GRID2: variants seen among roughly 807,000 people sequenced by gnomAD.
The protein encoded by GRID2 is glutamate receptor ionotropic, delta-2.
In GRID2, 33 loss-of-function variants were observed where a neutral mutation model predicts 114.8. The observed-to-expected ratio is 0.29, with a 90% CI of 0.22 to 0.38. The LOEUF is 0.38. GRID2 is among the 10% of genes least tolerant of loss of function. The probability of loss-of-function intolerance (pLI) is 1.00; values close to 1 mark genes in which losing one functional copy is unlikely to be tolerated. For missense variants in GRID2, 1,184 were observed against 1,257.7 expected (o/e 0.94, Z 0.89); for synonymous variants, 505 against 449.9 (o/e 1.12, Z -1.55).
intron 2 of GRID2, among the ~76,000 whole-genome samples, chr4:92,688,211 A>G (rs1287120545): frequency 6.6e-6 from 1 of 150,850 alleles, no homozygotes; most frequent in African/African-American, 2.4e-5. Flanking sequence ...CACCACGCCC[A>G]GCTAATTTTG....
At chr4:93,153,464 A>T (rs1736904056) in intron 4 of GRID2, among the ~76,000 whole-genome samples, 1 of 152,092 alleles carries the variant, frequency 6.6e-6, no homozygotes, top group African/African-American at 2.4e-5. Context: ...GAGACTAGCT[A>T]GTCAGAAAGC....
chr4:92,948,576 G>C (rs1309471383), intron 2 of GRID2, among the ~76,000 whole-genome samples: 1 of 151,724 alleles, frequency 6.6e-6, no homozygotes, highest in African/African-American at 2.4e-5. Flanking sequence ...ATCAGAATTA[G>C]TGCATAAATA....
intron 1 of GRID2, among the ~76,000 whole-genome samples, chr4:92,374,530 G>T (rs1203759148): frequency 6.6e-6 from 1 of 152,128 alleles, no homozygotes; most frequent in Non-Finnish European, 1.5e-5. Context: ...AGGACCTCCT[G>T]AGGGCTGTGT....
At chr4:93,051,534 A>G (rs190495517) in intron 2 of GRID2, among the ~76,000 whole-genome samples, 3 of 152,070 alleles carry the variant, frequency 2.0e-5, no homozygotes, top group Non-Finnish European at 2.9e-5. Flanking sequence ...GATTCCCTCA[A>G]CTTTACAGCT....
chr4:92,563,985 C>T (rs1727221582), intron 1 of GRID2, among the ~76,000 whole-genome samples: 1 of 152,034 alleles, frequency 6.6e-6, no homozygotes, highest in Non-Finnish European at 1.5e-5. Context: ...CAAGGTTCTA[C>T]TTAAACTATA....
chr4:93,068,954 A>G (rs1459126682), intron 2 of GRID2, among the ~76,000 whole-genome samples: 2 of 151,958 alleles, frequency 1.3e-5, no homozygotes, highest in Non-Finnish European at 2.9e-5. Context: ...GAAACTTATA[A>G]TCACTGTGTA....
chr4:93,242,692 C>T (rs966794996), intron 8 of GRID2, among the ~76,000 whole-genome samples: 1 of 151,746 alleles, frequency 6.6e-6, no homozygotes, highest in African/African-American at 2.4e-5. Flanking sequence ...AGCTTCAGAG[C>T]CAGAAATTAT....
intron 2 of GRID2, among the ~76,000 whole-genome samples, chr4:92,643,138 A>G (rs1731443039): frequency 6.6e-6 from 1 of 151,698 alleles, no homozygotes; most frequent in African/African-American, 2.4e-5. Context: ...TTCTGTGAGA[A>G]TGACCTTGGT....
intron 2 of GRID2, among the ~76,000 whole-genome samples, chr4:92,878,617 C>T (rs559916376): frequency 1.3e-5 from 2 of 152,238 alleles, no homozygotes; most frequent in African/African-American, 4.8e-5. Context: ...AAAACAGTGA[C>T]ATCTGTTTTA....
At chr4:92,577,814 A>G (rs1727969508) in intron 1 of GRID2, among the ~76,000 whole-genome samples, 1 of 152,220 alleles carries the variant, frequency 6.6e-6, no homozygotes, top group Non-Finnish European at 1.5e-5. Flanking sequence ...CATTGTGTAA[A>G]GGTATGGTGG....
intron 1 of GRID2, among the ~76,000 whole-genome samples, chr4:92,515,820 T>C (rs541809285): frequency 6.6e-6 from 1 of 152,102 alleles, no homozygotes; most frequent in Admixed American, 6.6e-5. Context: ...TGTTTGTCGA[T>C]GTTACCTACA....
At chr4:92,629,737 C>T (rs1343928213) in intron 2 of GRID2, among the ~76,000 whole-genome samples, 2 of 149,420 alleles carry the variant, frequency 1.3e-5, no homozygotes, top group Non-Finnish European at 3.0e-5. Context: ...AATGTTAGAT[C>T]ACTAACATAA....
intron 2 of GRID2, among the ~76,000 whole-genome samples, chr4:92,859,408 T>C (rs573156320): frequency 6.6e-6 from 1 of 152,326 alleles, no homozygotes; most frequent in East Asian, 1.9e-4. Context: ...TAATTCACTT[T>C]ATTGTAATAT....
At chr4:92,803,085 G>C (rs1304222328) in intron 2 of GRID2, among the ~76,000 whole-genome samples, 1 of 151,692 alleles carries the variant, frequency 6.6e-6, no homozygotes, top group Non-Finnish European at 1.5e-5. Flanking sequence ...TGGAGACTTT[G>C]TTTTTCTCTC....
chr4:93,514,062 C>T (rs1279889201), intron 12 of GRID2, among the ~76,000 whole-genome samples: 1 of 152,154 alleles, frequency 6.6e-6, no homozygotes, highest in Non-Finnish European at 1.5e-5. Flanking sequence ...CATCTGCTCC[C>T]ATTCCCAAAA....
rs186238631 is a variant in GRID2 at position 93,361,541 on chromosome 4, G to A, written c.1246-34066G>A. On this transcript the variant is annotated intron_variant, in intron 8 of 15. Coordinates refer to ENST00000282020, the MANE Select transcript of GRID2 (RefSeq NM_001510.4). ...TGATTCTATTAGAGCCTATCTCTCT[G>A]CTGAAATTTCCTATCTGGTCATGCA... Among the ~76,000 whole-genome samples, 327 of 151,246 alleles carry A rather than the reference G, an allele frequency of 2.2e-3. 1 individual carries two copies. Among genetic ancestry groups the A allele is most frequent in the African/African-American group, 7.5e-3 (309 of 41,290 alleles).
chr4:93,203,253 T>G (rs886122860), intron 4 of GRID2, among the ~76,000 whole-genome samples: 1 of 152,160 alleles, frequency 6.6e-6, no homozygotes, highest in Non-Finnish European at 1.5e-5. Flanking sequence ...TTATAACCCT[T>G]GTTTAGTGAA....
chr4:93,600,698 C>T (rs1739585530), intron 13 of GRID2, among the ~76,000 whole-genome samples: 1 of 152,158 alleles, frequency 6.6e-6, no homozygotes, highest in South Asian at 2.1e-4. Context: ...TATGACTTAG[C>T]AGTTCCAATC....
chr4:93,154,627 ATATCT>A (rs769941646), intron 4 of GRID2, among the ~76,000 whole-genome samples: 1 of 152,052 alleles, frequency 6.6e-6, no homozygotes, highest in African/African-American at 2.4e-5. Context: ...AGGTAAAGAA[ATATCT>A]TAAAAGTATC....
Sources: gnomAD v4.1 joint callset for allele counts (sites outside exome capture counted in the v4.1 genomes callset) on GRCh38, gnomAD v4.1.1 for gene constraint, MANE v1.5 for transcripts, NCBI Gene and HGNC (gene_info 2026-07-23, HGNC 2026-07-21) for gene names.